The following OTUD7B variants were observed in gnomAD, a reference collection of about 807,000 sequenced individuals.
OTUD7B encodes the protein OTU domain-containing protein 7B.
A neutral mutation model predicts 82.2 loss-of-function variants in OTUD7B; 34 were observed. That is an observed-to-expected ratio of 0.41 (90% confidence interval 0.31 to 0.55). The LOEUF is 0.55. OTUD7B is among the 20% of genes least tolerant of loss of function. The probability of loss-of-function intolerance (pLI) is 0.20; values close to 1 mark genes in which losing one functional copy is unlikely to be tolerated. For synonymous variants in OTUD7B, 398 were observed against 402.7 expected (o/e 0.99, Z 0.14); for missense variants, 944 against 1,062.1 (o/e 0.89, Z 1.55).
At chr1:149,965,966 C>T (rs782204946) in intron 4 of OTUD7B, 88 bp from the exon 5 acceptor site, 56 of 1,010,742 alleles carry the variant, frequency 5.5e-5, no homozygotes, top group Non-Finnish European at 8.5e-5. Flanking sequence ...AAAGCAGCCT[C>T]CTCTAGGAGG....
the OTUD7B span, among the ~76,000 whole-genome samples, chr1:150,061,016 C>T: frequency 6.6e-6 from 1 of 151,458 alleles, no homozygotes; most frequent in Non-Finnish European, 1.5e-5. Context: ...AAGCTCATCG[C>T]ACCCGGCTGA....
rs894613259 is a variant in OTUD7B at position 149,950,084 on chromosome 1, G to A, written c.973+10C>T. 4 of 1,613,358 alleles carry A rather than the reference G, an allele frequency of 2.5e-6. No homozygotes were observed. The highest frequency in any genetic ancestry group is 1.3e-5 in the African/African-American group (1 of 74,906). The stretch of plus-strand genomic sequence containing the variant: ...CTCAGCATGGAGTGAGGACTGACTG[G>A]CTGACTCACCTTCCCCTCCGGAGTC... On this transcript the variant is annotated intron_variant, in intron 8 of 11. Transcript: ENST00000581312.
chr1:150,020,924 A>G, the OTUD7B span, among the ~76,000 whole-genome samples: 1 of 151,370 alleles, frequency 6.6e-6, no homozygotes, highest in Admixed American at 6.6e-5. Context: ...CCCTAACTTT[A>G]TCTGGCCCTG....
chr1:149,999,059 G>C (rs1236850145), intron 1 of OTUD7B, among the ~76,000 whole-genome samples: 1 of 151,938 alleles, frequency 6.6e-6, no homozygotes, highest in Non-Finnish European at 1.5e-5. Context: ...ACTCCTCCTT[G>C]GCATCTCCTT....
chr1:150,064,624 C>T, the OTUD7B span, among the ~76,000 whole-genome samples: 9 of 152,204 alleles, frequency 5.9e-5, no homozygotes, highest in African/African-American at 1.9e-4. Flanking sequence ...CTGACTTAGC[C>T]TCCCAAAGTG....
chr1:149,988,935 A>C (rs1356929959), intron 1 of OTUD7B, among the ~76,000 whole-genome samples: 2 of 152,206 alleles, frequency 1.3e-5, no homozygotes, highest in Non-Finnish European at 2.9e-5. Context: ...AAAACACACT[A>C]TCTCTCTAGA....
chr1:149,972,469 ACTC>A, intron 2 of OTUD7B, among the ~76,000 whole-genome samples: 1 of 151,598 alleles, frequency 6.6e-6, no homozygotes, highest in South Asian at 2.1e-4. Context: ...CACACAGACA[ACTC>A]CTCATTAGCT....
At chr1:149,981,261 C>T (rs1466139355) in intron 1 of OTUD7B, among the ~76,000 whole-genome samples, 19 of 152,146 alleles carry the variant, frequency 1.2e-4, no homozygotes, top group Admixed American at 1.2e-3. Flanking sequence ...TTAGCAATTA[C>T]GTAATCCAAA....
At position 149,950,324 on chromosome 1, in the gene OTUD7B, T is replaced by C. The variant is rs1648092484; in HGVS notation, c.846-103A>G. 7.0e-6 allele frequency: 8 copies of C among 1,145,322 alleles called. No homozygotes were observed. The South Asian group carries it at 9.1e-5, about 13-fold the overall frequency. The allele number at this position is 1,145,322 out of a possible 1,614,324, so 70.9% of individuals were successfully genotyped here. Reference sequence around the variant, plus strand: ...GTTCTGCAGAAAGGGAAAAGAAGAATGTCCTTTCCTGGTTTTCCAATCTTA... The same window carrying C: ...GTTCTGCAGAAAGGGAAAAGAAGAACGTCCTTTCCTGGTTTTCCAATCTTA... On this transcript the variant is annotated intron_variant, in intron 7 of 11. Coordinates refer to ENST00000581312, the MANE Select transcript of OTUD7B (RefSeq NM_020205.4).
At chr1:150,037,599 T>C in the OTUD7B span, among the ~76,000 whole-genome samples, 97 of 152,304 alleles carry the variant, frequency 6.4e-4, no homozygotes, top group African/African-American at 2.3e-3. Flanking sequence ...CTTTTCTTTT[T>C]TTATTTTCTA....
At chr1:150,063,233 C>T in the OTUD7B span, among the ~76,000 whole-genome samples, 2 of 152,064 alleles carry the variant, frequency 1.3e-5, no homozygotes, top group Non-Finnish European at 2.9e-5. Context: ...AGGCAGATCA[C>T]TTGAGGCCAG....
intron 10 of OTUD7B, 108 bp downstream of exon 10, chr1:149,948,856 CATCTT>C: frequency 1.4e-6 from 1 of 700,294 alleles, no homozygotes; most frequent in Non-Finnish European, 2.5e-6. Context: ...TCCCAAAACT[CATCTT>C]AGCTTGTGAC....
chr1:150,029,445 T>G, the OTUD7B span, among the ~76,000 whole-genome samples: 2 of 152,238 alleles, frequency 1.3e-5, no homozygotes, highest in South Asian at 4.1e-4. Flanking sequence ...GACTTATGTT[T>G]GGCACATAAG....
chr1:149,974,757 C>A (rs587728181), intron 2 of OTUD7B, among the ~76,000 whole-genome samples: 1 of 151,810 alleles, frequency 6.6e-6, no homozygotes, highest in Non-Finnish European at 1.5e-5. Flanking sequence ...ACCATGTTGG[C>A]CAGGCTGATC....
chr1:149,937,904 T>G lies in OTUD7B; in HGVS notation c.*5953A>C, dbSNP rs2092736265. 6.6e-6 allele frequency: 1 copy of G among 152,132 alleles called. No individual in the cohort carries two copies. The highest frequency in any genetic ancestry group is 1.5e-5 in the Non-Finnish European group (1 of 68,036). The allele number at this position is 152,132 out of a possible 1,614,324, so 9.4% of individuals were successfully genotyped here. On this transcript the variant is annotated 3_prime_UTR_variant, in exon 12 of 12. Coordinates refer to ENST00000581312, the MANE Select transcript of OTUD7B (RefSeq NM_020205.4). ...CCCAGTTTTCCAAAGTGACACTCAATTTTCCCCTCCCCCCAGTACACCACC... is the reference window on the plus strand; with the variant it reads ...CCCAGTTTTCCAAAGTGACACTCAAGTTTCCCCTCCCCCCAGTACACCACC...
At chr1:150,046,495 T>G in the OTUD7B span, among the ~76,000 whole-genome samples, 15 of 141,038 alleles carry the variant, frequency 1.1e-4, no homozygotes, top group African/African-American at 3.9e-4. Flanking sequence ...TCACCCAGGC[T>G]GGAGTACAGT....
At chr1:150,037,402 G>A in the OTUD7B span, among the ~76,000 whole-genome samples, 2 of 152,044 alleles carry the variant, frequency 1.3e-5, no homozygotes, top group Non-Finnish European at 2.9e-5. Context: ...AAGAGAATGG[G>A]AGAAAAGATA....
the OTUD7B span, among the ~76,000 whole-genome samples, chr1:150,034,545 T>A: frequency 6.6e-6 from 1 of 152,218 alleles, no homozygotes; most frequent in Non-Finnish European, 1.5e-5. Context: ...TTCAGCAAGC[T>A]TGTTCTTTCT....
rs587597610 is a variant in OTUD7B, at chr1:149,956,547, G to A, written c.845+3137C>T. Among the ~76,000 whole-genome samples the A allele has an allele frequency of 8.0e-4, 122 of 152,210 alleles. 2 individuals are homozygous for A. The highest frequency in any genetic ancestry group is 3.4e-3 in the Middle Eastern group (1 of 294). On this transcript the variant is annotated intron_variant, in intron 7 of 11. Transcript: ENST00000581312. Reference sequence around the variant, plus strand: ...TCTTCTCAAGGAGTATCTTTGTGGCGTTCTCTGTATTCCCTGAATTTGAAT... The same window carrying A: ...TCTTCTCAAGGAGTATCTTTGTGGCATTCTCTGTATTCCCTGAATTTGAAT...
Sources: gnomAD v4.1 joint callset for allele counts (sites outside exome capture counted in the v4.1 genomes callset) on GRCh38, gnomAD v4.1.1 for gene constraint, MANE v1.5 for transcripts, NCBI Gene and HGNC (gene_info 2026-07-23, HGNC 2026-07-21) for gene names.